Variants in RYR2 observed in about 807,000 individuals in gnomAD.
The protein encoded by RYR2 is ryanodine receptor 2.
RYR2 carries 227 observed loss-of-function variants against 601.1 expected under a neutral mutation model. The ratio of observed to expected loss-of-function variants is 0.38; its 90% CI spans 0.34 to 0.42. The LOEUF (loss-of-function observed/expected upper bound fraction) is 0.42. Ranked by LOEUF, RYR2 falls within the 10% of genes least tolerant of loss-of-function variation. RYR2 has a pLI of 1.00. For synonymous variants in RYR2, 2,223 were observed against 2,175.1 expected, an observed-to-expected ratio of 1.02 and a Z score of -0.61; for missense variants, 4,646 against 6,156.5, an observed-to-expected ratio of 0.75 and a Z score of 8.21.
intron 12 of RYR2, among the ~76,000 whole-genome samples, chr1:237,429,292 A>G (rs1264265819): frequency 6.6e-6 from 1 of 152,178 alleles, no homozygotes; most frequent in Admixed American, 6.5e-5. Context: ...AGGATGAGTC[A>G]CTTGACCAAG....
intron 8 of RYR2, among the ~76,000 whole-genome samples, chr1:237,382,287 G>A (rs1701584270): frequency 1.3e-5 from 2 of 152,148 alleles, no homozygotes; most frequent in Admixed American, 1.3e-4. Context: ...TATCTAAAGG[G>A]TGATGGAAAA....
intron 26 of RYR2, among the ~76,000 whole-genome samples, chr1:237,548,813 C>T (rs970390821): frequency 6.6e-6 from 1 of 152,128 alleles, no homozygotes; most frequent in Admixed American, 6.6e-5. Flanking sequence ...ATGAATAATA[C>T]TACACTGGTG....
chr1:237,614,282 G>A lies in RYR2; in HGVS notation c.5154G>A (p.Arg1718=), dbSNP rs114534505. 1,163 of 1,613,976 alleles carry A rather than the reference G, an allele frequency of 7.2e-4. 6 individuals are homozygous for A. The African/African-American group carries it at 0.013, about 18-fold the overall frequency. The change falls in exon 37 of 105, where the codon AGG becomes AGA. Residue 1718 remains arginine, a synonymous_variant. Transcript: ENST00000366574. This position sits in a 1 kb window ranked among gnomAD's most constrained non-coding sequence, Gnocchi z 4.3. ...DIHLSSYATA[R]LMMNNEYIVP... ...ACCTGAGCTCCTATGCCACTGCCAG[G>A]CTCATGATGAACAACGAGTACATTG...
At chr1:237,801,967 CTG>C (rs1003789677) in intron 98 of RYR2, 51 bp downstream of exon 98, 259 of 1,104,868 alleles carry the variant, frequency 2.3e-4, no homozygotes, top group Non-Finnish European at 1.1e-4. Context: ...TTAGATAAGA[CTG>C]TGGGAGTTCT....
chr1:237,168,589 G>T (rs903858772), intron 1 of RYR2, among the ~76,000 whole-genome samples: 13 of 152,008 alleles, frequency 8.6e-5, no homozygotes, highest in African/African-American at 3.1e-4. Context: ...GAGGATGGGG[G>T]TGAAAAAATG....
At chr1:237,425,908 A>G (rs1484811430) in intron 12 of RYR2, among the ~76,000 whole-genome samples, 2 of 152,106 alleles carry the variant, frequency 1.3e-5, no homozygotes, top group African/African-American at 2.4e-5. Context: ...TTGAGGATGT[A>G]TAGTAGGTAT....
chr1:237,671,930 A>AT (rs960235294), intron 58 of RYR2, among the ~76,000 whole-genome samples: 9 of 152,140 alleles, frequency 5.9e-5, no homozygotes, highest in African/African-American at 1.7e-4. Flanking sequence ...GCTGTCAAGC[A>AT]TTTTTTTACT....
chr1:237,197,167 T>C (rs1680666833), intron 1 of RYR2, among the ~76,000 whole-genome samples: 2 of 152,206 alleles, frequency 1.3e-5, no homozygotes, highest in South Asian at 4.1e-4. Flanking sequence ...AAAGATTCCA[T>C]AGCCAATCAT....
At chr1:237,518,914 C>T (rs1666824190) in intron 24 of RYR2, among the ~76,000 whole-genome samples, 1 of 152,180 alleles carries the variant, frequency 6.6e-6, no homozygotes, top group Non-Finnish European at 1.5e-5. Flanking sequence ...TGCATCCTCG[C>T]CAACATCTGT....
intron 47 of RYR2, among the ~76,000 whole-genome samples, chr1:237,642,969 CAT>C (rs757312819): frequency 1.2e-4 from 18 of 152,088 alleles, no homozygotes; most frequent in African/African-American, 1.9e-4. Flanking sequence ...TATTATTGCT[CAT>C]GTTATTGATA....
chr1:237,785,056 A>C, intron 90 of RYR2, 84 bp downstream of exon 90: 1 of 993,102 alleles, frequency 1.0e-6, no homozygotes, highest in South Asian at 1.4e-5. Context: ...GTTTCATGCT[A>C]GTGCCAGAAC....
At chr1:237,586,186 C>G (rs1016177988) in intron 29 of RYR2, among the ~76,000 whole-genome samples, 1 of 152,058 alleles carries the variant, frequency 6.6e-6, no homozygotes, top group Admixed American at 6.6e-5. Context: ...TTGGTAACAC[C>G]TGTATATTCT....
rs1313128108 is a variant in RYR2 at position 237,617,375 on chromosome 1, G to C, written c.5805G>C (p.Lys1935Asn). 6.2e-7 allele frequency: 1 copy of C among 1,613,874 alleles called. No homozygotes were observed. The highest frequency in any genetic ancestry group is 1.3e-5 in the African/African-American group (1 of 74,930). The change falls in exon 38 of 105, where the codon AAG becomes AAC. Residue 1935 changes from lysine to asparagine, a missense_variant. Lys to Asn is a moderately conservative substitution (Grantham distance 94). Around this residue, in one of 17 missense-constraint regions of RYR2, gnomAD observed 1,807 missense variants for 2,088.1 expected, o/e 0.87. Coordinates refer to ENST00000366574, the MANE Select transcript of RYR2 (RefSeq NM_001035.3). ...CCTTTTCAGATGATTTTGTGGCTAA[G>C]CTCCAAGACAATCAACGTTTCCGAT... ...IVAFSDDFVA[K>N]LQDNQRFRYN...
At chr1:237,620,754 A>G (rs1184076614) in intron 38 of RYR2, among the ~76,000 whole-genome samples, 2 of 152,156 alleles carry the variant, frequency 1.3e-5, no homozygotes, top group Non-Finnish European at 2.9e-5. Context: ...TATGAATTAA[A>G]CAACAAAGCA....
At chr1:237,582,091 A>T (rs991937265) in intron 29 of RYR2, among the ~76,000 whole-genome samples, 3 of 151,334 alleles carry the variant, frequency 2.0e-5, no homozygotes, top group Non-Finnish European at 4.4e-5. Flanking sequence ...TTTATTTTTT[A>T]TTTTTATTTT....
intron 2 of RYR2, among the ~76,000 whole-genome samples, chr1:237,325,035 T>C (rs563129804): frequency 6.6e-6 from 1 of 152,342 alleles, no homozygotes; most frequent in South Asian, 2.1e-4. Context: ...AGTTTGAGGT[T>C]AGTTCATCAA....
intron 8 of RYR2, among the ~76,000 whole-genome samples, chr1:237,384,885 AT>A (rs1335168235): frequency 3.3e-5 from 5 of 149,508 alleles, no homozygotes; most frequent in Non-Finnish European, 5.9e-5. Flanking sequence ...CCATTTATTT[AT>A]TTATTATTTT....
At chr1:237,079,740 G>T in intron 1 of RYR2, among the ~76,000 whole-genome samples, 1 of 142,606 alleles carries the variant, frequency 7.0e-6, no homozygotes, top group Non-Finnish European at 1.5e-5. Flanking sequence ...TCCCCATCAA[G>T]CTAGCAATGC....
In RYR2 at chr1:237,614,354, G is replaced by A; in HGVS notation, c.5226G>A (p.Glu1742=). 1 of 1,614,004 alleles carries A rather than the reference G, an allele frequency of 6.2e-7. No individual in the cohort carries two copies. The highest frequency in any genetic ancestry group is 8.5e-7 in the Non-Finnish European group (1 of 1,179,892). The change falls in exon 37 of 105, where the codon GAG becomes GAA. Residue 1742 remains glutamate (E), a synonymous_variant. Transcript: ENST00000366574. The surrounding 1 kb of genome is among the most constrained non-coding windows in gnomAD (Gnocchi z 4.3). The part of the protein sequence containing the change: ...ETKSITLFPD[E]NKKHGLPGIG... Reference sequence around the variant, plus strand: ...AGAGCATCACCCTGTTCCCTGATGAGAACAAAAAACACGGCCTTCCAGGGA... The same window carrying A: ...AGAGCATCACCCTGTTCCCTGATGAAAACAAAAAACACGGCCTTCCAGGGA...
Sources: gnomAD v4.1 joint callset for allele counts (sites outside exome capture counted in the v4.1 genomes callset) on GRCh38, gnomAD v4.1.1 for gene constraint, gnomAD v4.1.1 regional missense constraint, Gnocchi (gnomAD v3.1) non-coding constraint, MANE v1.5 for transcripts, NCBI Gene and HGNC (gene_info 2026-07-23, HGNC 2026-07-21) for gene names.